The following ATP5PD variants were observed in gnomAD, a reference collection of about 807,000 sequenced individuals.
ATP5PD encodes the protein ATP synthase peripheral stalk subunit d, mitochondrial.
A neutral mutation model predicts 22.6 loss-of-function variants in ATP5PD; 13 were observed. The ratio of observed to expected loss-of-function variants is 0.58; its 90% CI spans 0.37 to 0.91. The LOEUF (loss-of-function observed/expected upper bound fraction) is 0.91. ATP5PD is among the 40% of genes least tolerant of loss of function. The pLI is 0.00. For synonymous variants in ATP5PD, 51 were observed against 65.0 expected, an observed-to-expected ratio of 0.79 and a Z score of 1.03; for missense variants, 165 against 188.0, an observed-to-expected ratio of 0.88 and a Z score of 0.72.
chr17:75,042,311 T>G, intron 2 of ATP5PD, 34 bp from the exon 3 acceptor site: 1 of 1,604,856 alleles, frequency 6.2e-7, no homozygotes, highest in Non-Finnish European at 8.5e-7. Flanking sequence ...TTAGGATTGT[T>G]CATAAGCAGT....
At chr17:75,042,382 T>C (rs1333101160) in intron 2 of ATP5PD, 105 bp from the exon 3 acceptor site, 3 of 1,501,090 alleles carry the variant, frequency 2.0e-6, no homozygotes, top group Admixed American at 1.9e-5. Flanking sequence ...GTCACCACAC[T>C]TTCCTCTCCT....
chr17:75,041,926 C>T, intron 3 of ATP5PD: 1 of 353,454 alleles, frequency 2.8e-6, no homozygotes, highest in Non-Finnish European at 5.1e-6. Flanking sequence ...AGAAACAGAG[C>T]AGGTCAAAAC....
chr17:75,045,250 A>C (rs2073201870), intron 1 of ATP5PD, among the ~76,000 whole-genome samples: 1 of 152,220 alleles, frequency 6.6e-6, no homozygotes, highest in Admixed American at 6.5e-5. Flanking sequence ...GGGTAATAGA[A>C]TATCACAAGG....
chr17:75,041,608 CAG>C (rs1170409269), intron 3 of ATP5PD: 1 of 152,404 alleles, frequency 6.6e-6, no homozygotes, highest in Non-Finnish European at 1.5e-5. Context: ...CCCTGGGTGA[CAG>C]AGCAAAACTC....
At chr17:75,043,177 CAT>C (rs1426789126) in intron 1 of ATP5PD, among the ~76,000 whole-genome samples, 1 of 152,198 alleles carries the variant, frequency 6.6e-6, no homozygotes, top group Admixed American at 6.5e-5. Flanking sequence ...GCTGAGATGG[CAT>C]CAGTGCACCC....
intron 1 of ATP5PD, among the ~76,000 whole-genome samples, chr17:75,045,440 G>A (rs2073204107): frequency 1.3e-5 from 2 of 152,216 alleles, no homozygotes; most frequent in South Asian, 2.1e-4. Context: ...GCCTGGGATC[G>A]CTATGGGAGA....
rs527801827 is a variant in ATP5PD at position 75,045,144 on chromosome 17, C to T, written c.-10+1781G>A. ...CACGTTGGTAGGATCCGTGATGCCCCACAAGCCACAAAAACCAGCAAGTTT... is the reference window on the plus strand; with the variant it reads ...CACGTTGGTAGGATCCGTGATGCCCTACAAGCCACAAAAACCAGCAAGTTT... On this transcript the variant is annotated intron_variant, in intron 1 of 5. Transcript: ENST00000301587. Among the ~76,000 whole-genome samples, 19 of 152,190 alleles carry T rather than the reference C, an allele frequency of 1.2e-4. No individual in the cohort carries two copies. In the South Asian group the frequency reaches 3.7e-3, roughly 30 times the overall value.
At chr17:75,044,530 CAG>C (rs2073193518) in intron 1 of ATP5PD, among the ~76,000 whole-genome samples, 1 of 148,310 alleles carries the variant, frequency 6.7e-6, no homozygotes, top group Non-Finnish European at 1.5e-5. Flanking sequence ...TTAGTAGAGA[CAG>C]GGTTTCTCCA....
At chr17:75,043,069 A>G (rs1384221291) in intron 1 of ATP5PD, among the ~76,000 whole-genome samples, 1 of 151,780 alleles carries the variant, frequency 6.6e-6, no homozygotes, top group Non-Finnish European at 1.5e-5. Context: ...TAAAAATACA[A>G]TAATTAGCCA....
chr17:75,045,539 A>T (rs1411253988), intron 1 of ATP5PD, among the ~76,000 whole-genome samples: 1 of 152,344 alleles, frequency 6.6e-6, no homozygotes, highest in Non-Finnish European at 1.5e-5. Flanking sequence ...CTAGGTGCGC[A>T]TTCTCTTTCT....
At position 75,040,324 on chromosome 17, in the gene ATP5PD, A is replaced by C. The variant is rs1029631894; in HGVS notation, c.220-161T>G. ...GTGTCCCAAGCGGAAACGAATACGCATCTCAATACTGGAGTAGAAAGAATA... is the reference window on the plus strand; with the variant it reads ...GTGTCCCAAGCGGAAACGAATACGCCTCTCAATACTGGAGTAGAAAGAATA... On this transcript the variant is annotated intron_variant, in intron 3 of 5. Transcript: ENST00000301587. 3 of 743,268 alleles carry C rather than the reference A, an allele frequency of 4.0e-6. No homozygotes were observed. The South Asian group carries it at 4.9e-5, about 12-fold the overall frequency. The allele number at this position is 743,268 out of a possible 1,614,324, so 46.0% of individuals were successfully genotyped here. A position where few individuals can be genotyped will look rare whatever the true frequency, so the allele number is the denominator to read the frequency against.
chr17:75,039,764 C>A, intron 4 of ATP5PD: 1 of 325,090 alleles, frequency 3.1e-6, no homozygotes. Flanking sequence ...ATTTAAAGAA[C>A]ACCATTTGAT....
In ATP5PD at chr17:75,039,220, A is replaced by G. The variant is rs1260312355; in HGVS notation, c.343T>C (p.Tyr115His). ...CCCATCATCCTTACCTCTTTCTCATATTCTACAATCCTGGCCTTTGAGAGA... is the reference window on the plus strand; with the variant it reads ...CCCATCATCCTTACCTCTTTCTCATGTTCTACAATCCTGGCCTTTGAGAGA... ...VSLSKARIVE[Y>H]EKEMEKMKNL... The change falls in exon 5 of 6, where the codon TAT becomes CAT. Residue 115 changes from tyrosine (Y) to histidine (H), a missense_variant. Tyr to His is a moderately conservative substitution (Grantham distance 83). Coordinates refer to ENST00000301587, the MANE Select transcript of ATP5PD (RefSeq NM_006356.3). 1.2e-6 allele frequency: 2 copies of G among 1,614,206 alleles called. No individual in the cohort carries two copies. Among genetic ancestry groups the G allele is most frequent in the African/African-American group, 2.7e-5 (2 of 75,068 alleles).
At position 75,044,270 on chromosome 17, in the gene ATP5PD, A is replaced by T. The variant is rs1438554213; in HGVS notation, c.-9-1611T>A. ...CCGGACTGCGGACTGCAGTGGCGCA[A>T]TCTCGGCTCACTGCAAACTCCGCTT... is the stretch of plus-strand genomic sequence containing the variant. On this transcript the variant is annotated intron_variant, in intron 1 of 5. Transcript: ENST00000301587. Among the ~76,000 whole-genome samples the T allele has an allele frequency of 1.8e-5, 2 of 111,622 alleles. 1 individual carries two copies. Among genetic ancestry groups the T allele is most frequent in the African/African-American group, 1.4e-4 (2 of 14,214 alleles). 73.2% of individuals were successfully genotyped at this position (111,622 alleles called of 152,430 possible).
chr17:75,043,840 G>A (rs1251365195), intron 1 of ATP5PD, among the ~76,000 whole-genome samples: 2 of 151,990 alleles, frequency 1.3e-5, no homozygotes, highest in African/African-American at 4.8e-5. Context: ...TGTACAATGG[G>A]CATTATCAGT....
At chr17:75,046,666 G>C (rs998435014) in intron 1 of ATP5PD, among the ~76,000 whole-genome samples, 1 of 152,258 alleles carries the variant, frequency 6.6e-6, no homozygotes, top group African/African-American at 2.4e-5. Flanking sequence ...CGGACTGCAC[G>C]AGACACGGCT....
chr17:75,039,892 T>C, intron 4 of ATP5PD, 200 bp downstream of exon 4: 1 of 629,210 alleles, frequency 1.6e-6, no homozygotes, highest in Non-Finnish European at 2.8e-6. Flanking sequence ...TCATATGCTA[T>C]ACTCTTCTTT....
At chr17:75,041,216 C>A (rs2073156130) in intron 3 of ATP5PD, 1 of 151,662 alleles carries the variant, frequency 6.6e-6, no homozygotes, top group Non-Finnish European at 1.5e-5. Flanking sequence ...AAAAATTAGC[C>A]AGGCATGGTG....
intron 1 of ATP5PD, among the ~76,000 whole-genome samples, chr17:75,044,512 T>A (rs2073193284): frequency 6.9e-6 from 1 of 144,358 alleles, no homozygotes; most frequent in Admixed American, 6.7e-5. Flanking sequence ...GCCCTAATTT[T>A]TGTATTTTTA....
Sources: gnomAD v4.1 joint callset for allele counts (sites outside exome capture counted in the v4.1 genomes callset) on GRCh38, gnomAD v4.1.1 for gene constraint, MANE v1.5 for transcripts, NCBI Gene and HGNC (gene_info 2026-07-23, HGNC 2026-07-21) for gene names.